CAMTA1: variants seen among roughly 807,000 people sequenced by gnomAD.
CAMTA1 encodes calmodulin-binding transcription activator 1.
Under a neutral mutation model 170.9 loss-of-function variants are expected in CAMTA1, and 27 were observed. The ratio of observed to expected loss-of-function variants is 0.16; its 90% confidence interval spans 0.12 to 0.22. CAMTA1 has a LOEUF of 0.22. Ranked by LOEUF, CAMTA1 falls within the 10% of genes least tolerant of loss-of-function variation. CAMTA1 has a pLI of 1.00. For missense variants in CAMTA1, 1,619 were observed against 2,217.2 expected (o/e 0.73, Z 5.42); for synonymous variants, 833 against 891.5 (o/e 0.93, Z 1.17).
chr1:7,708,382 C>G (rs1003292036), intron 11 of CAMTA1, among the ~76,000 whole-genome samples: 2 of 149,806 alleles, frequency 1.3e-5, no homozygotes, highest in Admixed American at 6.6e-5. Context: ...CCTCTAATCT[C>G]TGCACTTTGG....
chr1:7,132,048 TACAC>T lies in CAMTA1; in HGVS notation c.302+40698_302+40701del, dbSNP rs70984054. Among the ~76,000 whole-genome samples the T allele has an allele frequency of 4.4e-3, 662 of 149,502 alleles. 6 individuals are homozygous for T. The highest frequency in any genetic ancestry group is 0.013 in the African/African-American group (549 of 40,756). ...AGCCTGGGTGACAGAGTGACTCTGT[TACAC>T]ACACACACACACACACACACGCACA... On this transcript the variant is annotated intron_variant, in intron 4 of 22. Transcript: ENST00000303635.
At chr1:6,796,021 C>T (rs1642393630) in intron 1 of CAMTA1, among the ~76,000 whole-genome samples, 1 of 151,572 alleles carries the variant, frequency 6.6e-6, no homozygotes, top group Admixed American at 6.6e-5. Context: ...ATTTAATTAT[C>T]TCATGATTTT....
At chr1:7,233,594 T>C (rs186610264) in intron 4 of CAMTA1, among the ~76,000 whole-genome samples, 1 of 152,346 alleles carries the variant, frequency 6.6e-6, no homozygotes, top group African/African-American at 2.4e-5. Context: ...TGAGGACTTA[T>C]GGAGTGTTTG....
rs527472608 is a variant in CAMTA1, at chr1:7,583,236, G to A, written c.511-57164G>A. Among the ~76,000 whole-genome samples the A allele has an allele frequency of 1.2e-4, 19 of 152,148 alleles. No individual in the cohort carries two copies. The East Asian group carries it at 3.7e-3, about 30-fold the overall frequency. ...CCACATTGCATGGGGGTGTGTGGAA[G>A]GAGGGAGGAGCCAAGCAGAGGCCCA... On this transcript the variant is annotated intron_variant, in intron 6 of 22. Coordinates refer to ENST00000303635, the MANE Select transcript of CAMTA1 (RefSeq NM_015215.4).
intron 6 of CAMTA1, among the ~76,000 whole-genome samples, chr1:7,611,766 TG>T (rs2095525386): frequency 6.6e-6 from 1 of 152,216 alleles, no homozygotes; most frequent in South Asian, 2.1e-4. Flanking sequence ...TGCTTCAGGC[TG>T]CCCCTCACTC....
At chr1:6,836,061 A>ACCTGTCTGCCTGCCTACCTGCCTGTCTG (rs1652947673) in intron 3 of CAMTA1, among the ~76,000 whole-genome samples, 1 of 152,118 alleles carries the variant, frequency 6.6e-6, no homozygotes, top group Non-Finnish European at 1.5e-5. Flanking sequence ...CTGCCTGTCT[A>ACCTGTCTGCCTGCCTACCTGCCTGTCTG]CCTGTCTACC....
intron 3 of CAMTA1, among the ~76,000 whole-genome samples, chr1:7,035,298 G>A (rs1703423251): frequency 6.6e-6 from 1 of 152,084 alleles, no homozygotes; most frequent in Non-Finnish European, 1.5e-5. Context: ...TACTTGGGAG[G>A]CTGAGGCAGG....
intron 3 of CAMTA1, among the ~76,000 whole-genome samples, chr1:6,929,346 ATTTT>A (rs5772260): frequency 8.9e-5 from 13 of 146,088 alleles, no homozygotes; most frequent in East Asian, 4.1e-4. Flanking sequence ...TGCCCAGCTA[ATTTT>A]TTTTTTTTTG....
intron 3 of CAMTA1, among the ~76,000 whole-genome samples, chr1:6,926,466 TTCTTTCTTTCTTTCTTTCTTTC>T (rs1188244391): frequency 2.2e-5 from 3 of 138,928 alleles, no homozygotes; most frequent in Non-Finnish European, 3.0e-5. Flanking sequence ...CTTTCTTTCT[TTCTTTCTTTCTTTCTTTCTTTC>T]TCTCTCTCTT....
chr1:6,946,396 A>G (rs1014640961), intron 3 of CAMTA1, among the ~76,000 whole-genome samples: 2 of 152,064 alleles, frequency 1.3e-5, no homozygotes, highest in African/African-American at 4.8e-5. Context: ...GTCTTGCTAT[A>G]CTGCCAAGGC....
chr1:6,853,106 G>C (rs1661048502), intron 3 of CAMTA1: 1 of 152,220 alleles, frequency 6.6e-6, no homozygotes, highest in Non-Finnish European at 1.5e-5. Context: ...AGAAAGATTG[G>C]TCTTTGGCAG....
chr1:7,308,881 C>T (rs1197998830), intron 5 of CAMTA1, among the ~76,000 whole-genome samples: 2 of 152,198 alleles, frequency 1.3e-5, no homozygotes, highest in African/African-American at 4.8e-5. Context: ...TTTCTGTCTA[C>T]TCATTCTATT....
chr1:6,921,708 A>G (rs1334113957), intron 3 of CAMTA1, among the ~76,000 whole-genome samples: 3 of 152,248 alleles, frequency 2.0e-5, no homozygotes, highest in African/African-American at 4.8e-5. Flanking sequence ...AGCAAGTCAC[A>G]TCTTACATGG....
In CAMTA1 at chr1:6,791,112, CTT is replaced by C. The variant is rs35656164; in HGVS notation, c.45+5555_45+5556del. ...ATCTTCTAGAATCATGTACCCTGTC[CTT>C]TTTTTTTTTTTTTTTTTAAATGTTC... On this transcript the variant is annotated intron_variant, in intron 1 of 22. Coordinates refer to ENST00000303635, the MANE Select transcript of CAMTA1 (RefSeq NM_015215.4). 4.6e-3 allele frequency among the ~76,000 whole-genome samples: 590 copies of C among 129,072 alleles called. 4 individuals carry two copies. The highest frequency in any genetic ancestry group is 0.012 in the African/African-American group (427 of 34,442). The allele number at this position is 129,072 out of a possible 152,430, so 84.7% of individuals were successfully genotyped here.
chr1:6,961,021 A>G (rs912947025), intron 3 of CAMTA1, among the ~76,000 whole-genome samples: 7 of 152,224 alleles, frequency 4.6e-5, no homozygotes, highest in African/African-American at 1.7e-4. Context: ...TTTTAAACCC[A>G]GGCAGCCTGG....
At chr1:7,123,801 AT>A (rs1644780550) in intron 4 of CAMTA1, among the ~76,000 whole-genome samples, 1 of 152,030 alleles carries the variant, frequency 6.6e-6, no homozygotes, top group Non-Finnish European at 1.5e-5. Context: ...AGCCTGACCC[AT>A]TCACTGCCAA....
intron 4 of CAMTA1, among the ~76,000 whole-genome samples, chr1:7,203,280 C>A (rs1039257858): frequency 1.3e-5 from 2 of 151,998 alleles, no homozygotes; most frequent in Non-Finnish European, 2.9e-5. Context: ...TTTATCCATA[C>A]CCATAAGAGA....
chr1:7,738,664 G>A lies in CAMTA1; in HGVS notation c.4182+182G>A, dbSNP rs369005777. On this transcript the variant is annotated intron_variant, in intron 16 of 22. Transcript: ENST00000303635. This position sits in a 1 kb window ranked among gnomAD's most constrained non-coding sequence, Gnocchi z 4.9. The stretch of plus-strand genomic sequence containing the variant: ...GGCCACATTTTCATTCGGTGAATCG[G>A]GCACCGGGAGTAGGGCCTGAATACC... Among the ~76,000 whole-genome samples the A allele has an allele frequency of 6.6e-6, 1 of 152,104 alleles. No individual in the cohort carries two copies.
intron 4 of CAMTA1, among the ~76,000 whole-genome samples, chr1:7,108,547 C>T (rs550090746): frequency 1.3e-5 from 2 of 152,158 alleles, no homozygotes; most frequent in South Asian, 4.2e-4. Flanking sequence ...TTCAACAATC[C>T]TTGGGGTGAA....
Sources: allele counts gnomAD v4.1 joint callset (sites outside exome capture counted in the v4.1 genomes callset), GRCh38; gene constraint gnomAD v4.1.1; non-coding constraint Gnocchi (gnomAD v3.1); transcripts MANE v1.5; gene names NCBI Gene and HGNC (gene_info 2026-07-23, HGNC 2026-07-21).